The following GRB7 variants were observed in gnomAD, a reference collection of about 807,000 sequenced individuals.
GRB7 encodes the protein growth factor receptor bound protein 7, also known as growth factor receptor-bound protein 7.
A neutral mutation model predicts 64.1 loss-of-function variants in GRB7; 47 were observed. The ratio of observed to expected loss-of-function variants is 0.73; its 90% CI spans 0.58 to 0.94. The LOEUF (loss-of-function observed/expected upper bound fraction) is 0.94, where lower values mean the gene tolerates loss of function less well. GRB7 is among the 40% of genes least tolerant of loss of function. The pLI, the probability that GRB7 is intolerant of heterozygous loss-of-function variation, is 0.00. For missense variants in GRB7, 634 were observed against 718.4 expected, an observed-to-expected ratio of 0.88 and a Z score of 1.34; for synonymous variants, 277 against 279.9, an observed-to-expected ratio of 0.99 and a Z score of 0.10.
At chr17:39,745,568 T>C (rs764424026) in intron 11 of GRB7, 30 bp downstream of exon 11, 1 of 1,585,202 alleles carries the variant, frequency 6.3e-7, no homozygotes, top group Non-Finnish European at 8.7e-7. Context: ...TGTGTGTTTG[T>C]GCTGGGGACC....
At position 39,743,199 on chromosome 17, in the gene GRB7, C is replaced by T. The variant is rs139030455; in HGVS notation, c.483C>T (p.His161=). The change falls in exon 5 of 15, where the codon CAC becomes CAT. Residue 161 remains histidine (H), a synonymous_variant. Transcript: ENST00000309156. ...HLALERGLED[H]ESVVEVQAAW... Reference sequence around the variant, plus strand: ...CCCCAGAGCGGGGTTTGGAGGACCACGAGTCCGTGGTGGAAGTGCAGGCTG... The same window carrying T: ...CCCCAGAGCGGGGTTTGGAGGACCATGAGTCCGTGGTGGAAGTGCAGGCTG... 3.7e-4 allele frequency: 603 copies of T among 1,614,130 alleles called. 2 individuals carry two copies. In the African/African-American group the frequency reaches 7.1e-3, roughly 19 times the overall value.
intron 1 of GRB7, chr17:39,739,092 C>G (rs533648797): frequency 4.3e-5 from 23 of 534,368 alleles, no homozygotes; most frequent in Non-Finnish European, 6.9e-5. Context: ...CGGTCTGGGT[C>G]TCCCTGGCAG....
rs759821779 is a variant in GRB7 at position 39,742,966 on chromosome 17, C to T, written c.375C>T (p.Arg125=). 3.1e-6 allele frequency: 5 copies of T among 1,613,356 alleles called. No homozygotes were observed. The highest frequency in any genetic ancestry group is 1.3e-5 in the African/African-American group (1 of 75,052). ...AGGTGGCAGCAGGTGCCACAGCTCGCCACGTGTGTGAAATGCTGGTGCAGC... is the reference window on the plus strand; with the variant it reads ...AGGTGGCAGCAGGTGCCACAGCTCGTCACGTGTGTGAAATGCTGGTGCAGC... ...SVEVAAGATA[R]HVCEMLVQRA... is the part of the protein sequence containing the mutation. Residue 125 remains arginine, a synonymous_variant, in exon 4 of 15, where the codon CGC becomes CGT. Transcript: ENST00000309156.
chr17:39,745,700 C>T, intron 11 of GRB7, 28 bp from the exon 12 acceptor site: 1 of 1,611,990 alleles, frequency 6.2e-7, no homozygotes. Context: ...CACGCCCCGA[C>T]TCTCCCGTAT....
chr17:39,744,509 G>C, intron 7 of GRB7, 44 bp from the exon 8 acceptor site: 1 of 1,492,420 alleles, frequency 6.7e-7, no homozygotes, highest in Non-Finnish European at 9.2e-7. Context: ...GTAATAGTGG[G>C]CGGGATCTAC....
rs779775586 is a variant in GRB7 at position 39,744,555 on chromosome 17, T to G, written c.804T>G (p.Asp268Glu). 4 of 1,606,004 alleles carry G rather than the reference T, an allele frequency of 2.5e-6. No individual in the cohort carries two copies. Among genetic ancestry groups the G allele is most frequent in the African/African-American group, 1.3e-5 (1 of 74,632 alleles). The change falls in exon 8 of 15, where the codon GAT (aspartate) becomes GAG (glutamate). Residue 268 changes from aspartate to glutamate, a missense_variant and splice_region_variant. Asp to Glu is a conservative substitution (Grantham distance 45, BLOSUM62 2). This residue lies in a region of GRB7 where 467 missense variants were observed against 576.6 expected (regional missense o/e 0.81). Transcript: ENST00000309156. The part of the protein sequence containing the change: ...LYYSTKGTSK[D>E]PRHLQYVADV... ...TCCTGCTCACTCATGCTGCTTAGGA[T>G]CCGAGGCACCTGCAGTACGTGGCAG...
chr17:39,740,357 C>A (rs1328619616), intron 1 of GRB7, among the ~76,000 whole-genome samples: 2 of 152,142 alleles, frequency 1.3e-5, no homozygotes, highest in Non-Finnish European at 2.9e-5. Context: ...TCCTGTGGTA[C>A]CCCTCTGGCC....
chr17:39,746,881 C>A lies in GRB7; in HGVS notation c.1583C>A (p.Thr528Lys), dbSNP rs773643597. 1.2e-6 allele frequency: 2 copies of A among 1,609,854 alleles called. No individual in the cohort carries two copies. Among genetic ancestry groups the A allele is most frequent in the East Asian group, 4.5e-5 (2 of 44,876 alleles). ...CCGTGCTTGCTGCGCCATTGCTGCA[C>A]GCGGGTGGCCCTCTGACCAGGCCGT... ...ILPCLLRHCC[T>K]RVAL Residue 528 changes from threonine to lysine, a missense_variant, in exon 15 of 15, where the codon ACG (threonine) becomes AAG (lysine). By Grantham distance (78) the Thr-to-Lys change is moderately conservative (BLOSUM62 -1). Coordinates refer to ENST00000309156, the MANE Select transcript of GRB7 (RefSeq NM_005310.5).
chr17:39,746,842 A>G lies in GRB7; in HGVS notation c.1544A>G (p.Asn515Ser). The G allele has an allele frequency of 6.2e-7, 1 of 1,613,520 alleles. No homozygotes were observed. Among genetic ancestry groups the G allele is most frequent in the South Asian group, 1.1e-5 (1 of 91,084 alleles). Residue 515 changes from asparagine to serine, a missense_variant, in exon 15 of 15, where the codon AAC (asparagine) becomes AGC (serine). Physicochemically the swap from Asn to Ser is conservative, Grantham distance 46 (BLOSUM62 1). Coordinates refer to ENST00000309156, the MANE Select transcript of GRB7 (RefSeq NM_005310.5). ...LLQLVEFHQLNRGILPCLLRH... is the reference protein window; with the variant it reads ...LLQLVEFHQLSRGILPCLLRH... Reference sequence around the variant, plus strand: ...CAGCTCGTGGAGTTCCACCAGCTGAACCGCGGCATCCTGCCGTGCTTGCTG... The same window carrying G: ...CAGCTCGTGGAGTTCCACCAGCTGAGCCGCGGCATCCTGCCGTGCTTGCTG...
In GRB7 at chr17:39,744,101, T is replaced by C. The variant is rs765667157; in HGVS notation, c.695T>C (p.Ile232Thr). Reference sequence around the variant, plus strand: ...CTGAATGCTGGCAGCTTTCCTGAGATCCAGGGCTTTCTGCAGCTGCGGGGT... The same window carrying C: ...CTGAATGCTGGCAGCTTTCCTGAGACCCAGGGCTTTCTGCAGCTGCGGGGT... ...NFLNAGSFPE[I>T]QGFLQLRGSG... is the part of the protein sequence containing the mutation. Residue 232 changes from isoleucine (I) to threonine (T), a missense_variant, in exon 7 of 15, where the codon ATC becomes ACC. Transcript: ENST00000309156. 4.3e-6 allele frequency: 7 copies of C among 1,614,180 alleles called. No homozygotes were observed. In the South Asian group the frequency reaches 7.7e-5, roughly 18 times the overall value.
At chr17:39,743,755 A>G (rs887746777) in intron 6 of GRB7, 13 of 474,706 alleles carry the variant, frequency 2.7e-5, no homozygotes, top group African/African-American at 1.1e-4. Context: ...CGGGAGGATT[A>G]CTTAAGCCTA....
intron 11 of GRB7, 77 bp from the exon 12 acceptor site, chr17:39,745,651 G>T: frequency 6.4e-7 from 1 of 1,574,438 alleles, no homozygotes; most frequent in Non-Finnish European, 8.7e-7. Context: ...CTGGGAAGAA[G>T]TGCTCTACCT....
intron 14 of GRB7, 41 bp from the exon 15 acceptor site, chr17:39,746,710 G>C: frequency 6.2e-7 from 1 of 1,600,004 alleles, no homozygotes; most frequent in Non-Finnish European, 8.6e-7. Flanking sequence ...CCCAAGCCTC[G>C]GGCCCCTCCC....
chr17:39,738,629 G>A (rs934040579), intron 1 of GRB7: 1 of 358,516 alleles, frequency 2.8e-6, no homozygotes, highest in Non-Finnish European at 5.2e-6. Context: ...GAATGGGAAG[G>A]AAGACCTGAT....
Position 39,745,126 on chromosome 17 carries a change from G to A in GRB7, c.1012-117G>A, listed in dbSNP as rs2060032627. 8.2e-6 allele frequency: 9 copies of A among 1,097,576 alleles called. 1 individual carries two copies. The East Asian group carries it at 2.0e-4, about 25-fold the overall frequency. The allele number at this position is 1,097,576 out of a possible 1,614,324, so 68.0% of individuals were successfully genotyped here. A position where few individuals can be genotyped will look rare whatever the true frequency, so the allele number is the denominator to read the frequency against. ...GTCCAAGCCTGAAGTTATAGGAAGTGCCCATCGAAGGCAGAAACACAGCCC... is the reference window on the plus strand; with the variant it reads ...GTCCAAGCCTGAAGTTATAGGAAGTACCCATCGAAGGCAGAAACACAGCCC... On this transcript the variant is annotated intron_variant, in intron 9 of 14. Transcript: ENST00000309156.
chr17:39,745,574 G>A (rs2143426730), intron 11 of GRB7, 36 bp downstream of exon 11: 1 of 1,586,598 alleles, frequency 6.3e-7, no homozygotes, highest in Non-Finnish European at 8.6e-7. Flanking sequence ...TTTGTGCTGG[G>A]GACCCACTCT....
In GRB7 at chr17:39,743,479, A is replaced by T. The variant is rs1409022334; in HGVS notation, c.663+9A>T. ...ATGAAGACCTCATCCAGGTGGGGGGACCCCCCATTTCACTGCAGATTCACG... is the reference window on the plus strand; with the variant it reads ...ATGAAGACCTCATCCAGGTGGGGGGTCCCCCCATTTCACTGCAGATTCACG... On this transcript the variant is annotated intron_variant, in intron 6 of 14. Coordinates refer to ENST00000309156, the MANE Select transcript of GRB7 (RefSeq NM_005310.5). The T allele has an allele frequency of 1.2e-6, 2 of 1,610,642 alleles. No homozygotes were observed. Among genetic ancestry groups the T allele is most frequent in the Non-Finnish European group, 1.7e-6 (2 of 1,177,490 alleles).
rs2060011966 is a variant in GRB7 at position 39,743,174 on chromosome 17, C to T, written c.464-6C>T. 1 of 1,612,744 alleles carries T rather than the reference C, an allele frequency of 6.2e-7. No homozygotes were observed. Among genetic ancestry groups the T allele is most frequent in the East Asian group, 2.2e-5 (1 of 44,874 alleles). The stretch of plus-strand genomic sequence containing the variant: ...AATAACCCCTGCTTTTTGCCCTTGT[C>T]CCCAGAGCGGGGTTTGGAGGACCAC... On this transcript the variant is annotated splice_region_variant and splice_polypyrimidine_tract_variant and intron_variant, in intron 4 of 14. Coordinates refer to ENST00000309156, the MANE Select transcript of GRB7 (RefSeq NM_005310.5).
At chr17:39,744,301 C>A in intron 7 of GRB7, 94 bp downstream of exon 7, 1 of 1,471,766 alleles carries the variant, frequency 6.8e-7, no homozygotes. Flanking sequence ...CCCTTCTCCC[C>A]CTGGGCCCCC....
Sources: allele counts gnomAD v4.1 joint callset (sites outside exome capture counted in the v4.1 genomes callset), GRCh38; gene constraint gnomAD v4.1.1; regional missense constraint gnomAD v4.1.1; transcripts MANE v1.5; gene names NCBI Gene and HGNC (gene_info 2026-07-23, HGNC 2026-07-21).